The following SYTL5 variants were observed in gnomAD, a reference collection of about 807,000 sequenced individuals.
The protein encoded by SYTL5 is synaptotagmin like 5, also known as synaptotagmin-like protein 5.
A neutral mutation model predicts 55.9 loss-of-function variants in SYTL5; 34 were observed. That is an observed-to-expected ratio of 0.61 (90% CI 0.46 to 0.81). SYTL5 has a LOEUF of 0.81. Ranked by LOEUF, SYTL5 falls within the 30% of genes least tolerant of loss-of-function variation. The probability of loss-of-function intolerance (pLI) is 0.00; values close to 1 mark genes in which losing one functional copy is unlikely to be tolerated. For missense variants in SYTL5, 637 were observed against 546.7 expected (o/e 1.17, Z -1.65); for synonymous variants, 221 against 188.7 (o/e 1.17, Z -1.40).
chrX:37,990,965 C>T, the SYTL5 span: 1 of 1,211,941 alleles, frequency 8.3e-7, no homozygotes, highest in Non-Finnish European at 1.1e-6. Flanking sequence ...AACGAGACGT[C>T]CAAAGCCAGA....
chrX:37,997,456 C>T, the SYTL5 span, among the ~76,000 whole-genome samples: 1 of 112,445 alleles, frequency 8.9e-6, no homozygotes, highest in Non-Finnish European at 1.9e-5. Flanking sequence ...TCTGCTCCCC[C>T]TGCTTGGCTC....
the SYTL5 span, among the ~76,000 whole-genome samples, chrX:37,898,960 T>A: frequency 1.8e-5 from 2 of 111,933 alleles, no homozygotes; most frequent in Admixed American, 1.9e-4. Flanking sequence ...CAGCACTTAG[T>A]AGGTACTTAA....
the SYTL5 span, among the ~76,000 whole-genome samples, chrX:37,917,943 G>A: frequency 4.5e-5 from 5 of 111,308 alleles, no homozygotes; most frequent in Non-Finnish European, 9.4e-5. Flanking sequence ...ATTTTTTTCT[G>A]GTGTAGTTTT....
chrX:38,025,997 G>T (rs755915668), intron 1 of SYTL5, among the ~76,000 whole-genome samples: 161 of 112,431 alleles, frequency 1.4e-3, no homozygotes, highest in African/African-American at 4.8e-3. Flanking sequence ...AGAGCTCTAT[G>T]GGAAGCCAAC....
At chrX:37,893,680 G>T in the SYTL5 span, among the ~76,000 whole-genome samples, 286 of 56,118 alleles carry the variant, frequency 5.1e-3, 4 homozygotes, top group African/African-American at 0.052. Context: ...ATAATCTATA[G>T]ATAAACTATA....
At chrX:37,904,177 C>T in the SYTL5 span, among the ~76,000 whole-genome samples, 1 of 108,424 alleles carries the variant, frequency 9.2e-6, no homozygotes, top group Admixed American at 1.0e-4. Flanking sequence ...CACACACACT[C>T]ACTCTCTGGG....
chrX:38,114,383 C>T (rs1301733675), intron 13 of SYTL5, among the ~76,000 whole-genome samples: 4 of 111,760 alleles, frequency 3.6e-5, no homozygotes, highest in Admixed American at 1.9e-4. Flanking sequence ...TTTCTTTTTA[C>T]TTGTGTTGGA....
chrX:38,080,358 T>C (rs1174439239), intron 6 of SYTL5, among the ~76,000 whole-genome samples: 1 of 112,256 alleles, frequency 8.9e-6, no homozygotes, highest in East Asian at 2.8e-4. Flanking sequence ...AATATCTACA[T>C]GGAATGTGAA....
the SYTL5 span, among the ~76,000 whole-genome samples, chrX:37,977,737 CACA>C: frequency 3.7e-5 from 4 of 108,149 alleles, no homozygotes; most frequent in Non-Finnish European, 5.7e-5. Context: ...CACACACACA[CACA>C]CACACACGAA....
At chrX:37,919,904 C>G in the SYTL5 span, among the ~76,000 whole-genome samples, 1 of 111,762 alleles carries the variant, frequency 8.9e-6, no homozygotes, top group East Asian at 2.8e-4. Flanking sequence ...TTAAATTAAT[C>G]TGGGTGAGAA....
chrX:37,963,828 C>G, the SYTL5 span, among the ~76,000 whole-genome samples: 11 of 111,379 alleles, frequency 9.9e-5, no homozygotes, highest in Admixed American at 1.0e-3. Flanking sequence ...AGAAGAAAAG[C>G]CTTCAGTTTT....
the SYTL5 span, among the ~76,000 whole-genome samples, chrX:37,977,823 A>G: frequency 9.1e-6 from 1 of 109,986 alleles, no homozygotes; most frequent in African/African-American, 3.3e-5. Flanking sequence ...AGCAGTAAAA[A>G]TGGCTTGAAG....
At chrX:37,940,802 A>T in the SYTL5 span, among the ~76,000 whole-genome samples, 2 of 110,623 alleles carry the variant, frequency 1.8e-5, no homozygotes, top group Non-Finnish European at 3.8e-5. Context: ...ATATGCTGCA[A>T]TGGGATATTT....
chrX:37,901,435 C>G, the SYTL5 span, among the ~76,000 whole-genome samples: 3 of 112,060 alleles, frequency 2.7e-5, no homozygotes, highest in African/African-American at 9.7e-5. Flanking sequence ...GGATGCAAGG[C>G]AAGCACAGGA....
chrX:37,973,384 C>A, the SYTL5 span, among the ~76,000 whole-genome samples: 1 of 111,445 alleles, frequency 9.0e-6, no homozygotes, highest in East Asian at 2.8e-4. Flanking sequence ...AAACCCTGTT[C>A]TTCCACTAAA....
At chrX:37,918,223 G>A in the SYTL5 span, among the ~76,000 whole-genome samples, 1 of 111,673 alleles carries the variant, frequency 9.0e-6, no homozygotes, top group South Asian at 3.7e-4. Context: ...TGGTGAAGGA[G>A]ATGTTAGTGG....
chrX:37,977,306 A>T, the SYTL5 span, among the ~76,000 whole-genome samples: 2 of 110,295 alleles, frequency 1.8e-5, no homozygotes, highest in East Asian at 5.7e-4. Flanking sequence ...AAGCCATCCT[A>T]CTCAGTACTA....
chrX:38,046,718 AG>A (rs1415994963), intron 2 of SYTL5, among the ~76,000 whole-genome samples: 1 of 111,869 alleles, frequency 8.9e-6, no homozygotes, highest in Non-Finnish European at 1.9e-5. Context: ...TTAACTCAAA[AG>A]TCTGCAGTCC....
At chrX:37,918,870 C>T in the SYTL5 span, among the ~76,000 whole-genome samples, 8,619 of 110,339 alleles carry the variant, frequency 0.078, 467 homozygotes, top group African/African-American at 0.18. Context: ...CCAGTCATCC[C>T]GTGGATGCAT....
Sources: gnomAD v4.1 joint callset for allele counts (sites outside exome capture counted in the v4.1 genomes callset) on GRCh38, gnomAD v4.1.1 for gene constraint, MANE v1.5 for transcripts, NCBI Gene and HGNC (gene_info 2026-07-23, HGNC 2026-07-21) for gene names.